Variants in SGCZ observed in about 807,000 individuals in gnomAD.
The protein encoded by SGCZ is zeta-sarcoglycan.
In SGCZ, 40 loss-of-function variants were observed where a neutral mutation model predicts 41.3. The ratio of observed to expected loss-of-function variants is 0.97; its 90% CI spans 0.75 to 1.26. The LOEUF (loss-of-function observed/expected upper bound fraction) is 1.26, where lower values mean the gene tolerates loss of function less well. Ranked by LOEUF, SGCZ falls within the 50% of genes most tolerant of loss-of-function variation. SGCZ has a pLI of 0.00. For synonymous variants in SGCZ, 206 were observed against 137.5 expected (o/e 1.50, Z -3.49); for missense variants, 552 against 369.8 (o/e 1.49, Z -4.04).
intron 4 of SGCZ, among the ~76,000 whole-genome samples, chr8:14,230,889 T>C (rs1806542323): frequency 6.6e-6 from 1 of 152,002 alleles, no homozygotes; most frequent in African/African-American, 2.4e-5. Flanking sequence ...GAGTATCTAC[T>C]GGTTAAAAAG....
At chr8:14,674,496 A>T (rs915468765) in intron 1 of SGCZ, among the ~76,000 whole-genome samples, 13 of 152,196 alleles carry the variant, frequency 8.5e-5, no homozygotes, top group Admixed American at 7.9e-4. Context: ...TAAATATGCA[A>T]AATTGGTTTG....
intron 2 of SGCZ, among the ~76,000 whole-genome samples, chr8:14,372,043 T>C (rs1331142436): frequency 6.6e-6 from 1 of 152,098 alleles, no homozygotes; most frequent in Non-Finnish European, 1.5e-5. Context: ...TAGATCAATA[T>C]GGACTAGAAT....
chr8:14,957,291 TC>T (rs1563390493), intron 1 of SGCZ, among the ~76,000 whole-genome samples: 1 of 152,134 alleles, frequency 6.6e-6, no homozygotes, highest in Non-Finnish European at 1.5e-5. Flanking sequence ...ATTTTCATCT[TC>T]TTTTTAAATT....
chr8:14,796,969 T>C (rs1247243321), intron 1 of SGCZ, among the ~76,000 whole-genome samples: 1 of 152,220 alleles, frequency 6.6e-6, no homozygotes, highest in Non-Finnish European at 1.5e-5. Flanking sequence ...AGTTTCCTGA[T>C]GCCTCCCCAG....
chr8:14,515,924 A>G (rs564635175), intron 2 of SGCZ, among the ~76,000 whole-genome samples: 38 of 152,140 alleles, frequency 2.5e-4, no homozygotes, highest in East Asian at 1.7e-3. Flanking sequence ...TTACTTTTCA[A>G]TTTGCTCCTA....
At chr8:14,952,910 T>G (rs1800684761) in intron 1 of SGCZ, among the ~76,000 whole-genome samples, 1 of 152,120 alleles carries the variant, frequency 6.6e-6, no homozygotes, top group African/African-American at 2.4e-5. Context: ...ACAGAGGCAC[T>G]TGGATTCAGC....
At chr8:14,656,619 T>TC (rs949380942) in intron 1 of SGCZ, among the ~76,000 whole-genome samples, 85 of 149,634 alleles carry the variant, frequency 5.7e-4, no homozygotes, top group Middle Eastern at 3.5e-3. Context: ...CTCCTCTCTC[T>TC]CTCTCTCTCC....
Position 14,990,450 on chromosome 8 carries a change from G to C in SGCZ, c.39+247135C>G, listed in dbSNP as rs554868970. On this transcript the variant is annotated intron_variant, in intron 1 of 7. Coordinates refer to ENST00000382080, the MANE Select transcript of SGCZ (RefSeq NM_139167.4). The stretch of plus-strand genomic sequence containing the variant: ...CCCCATCGCTGGGATTACTGCCTGA[G>C]CTCCACCTCCTGTCCCATCAACCAC... Among the ~76,000 whole-genome samples the C allele has an allele frequency of 7.9e-5, 12 of 152,184 alleles. No homozygotes were observed. In the East Asian group the frequency reaches 1.8e-3, roughly 22 times the overall value.
At chr8:14,486,287 C>T (rs1801672393) in intron 2 of SGCZ, among the ~76,000 whole-genome samples, 1 of 151,974 alleles carries the variant, frequency 6.6e-6, no homozygotes, top group Non-Finnish European at 1.5e-5. Flanking sequence ...ATATAGAGGC[C>T]ATATGTTGAG....
chr8:14,487,496 G>C (rs1422298093), intron 2 of SGCZ, among the ~76,000 whole-genome samples: 2 of 151,918 alleles, frequency 1.3e-5, no homozygotes, highest in African/African-American at 4.8e-5. Context: ...GTGCTATACT[G>C]TTCCTTCCAG....
At chr8:14,972,321 T>A (rs980298310) in intron 1 of SGCZ, among the ~76,000 whole-genome samples, 1 of 152,188 alleles carries the variant, frequency 6.6e-6, no homozygotes, top group African/African-American at 2.4e-5. Context: ...TTCATTTTTC[T>A]GATAAATTTG....
At chr8:14,503,050 G>A (rs144688416) in intron 2 of SGCZ, among the ~76,000 whole-genome samples, 2,886 of 152,228 alleles carry the variant, frequency 0.019, 99 homozygotes, top group African/African-American at 0.065. Context: ...TCACCCAAAT[G>A]CCCATCAATG....
intron 1 of SGCZ, among the ~76,000 whole-genome samples, chr8:14,864,670 A>G (rs1803864151): frequency 6.6e-6 from 1 of 152,196 alleles, no homozygotes; most frequent in African/African-American, 2.4e-5. Flanking sequence ...TAATCTAATT[A>G]AGATGAAGAC....
At chr8:14,846,177 C>A (rs1803094086) in intron 1 of SGCZ, among the ~76,000 whole-genome samples, 1 of 151,948 alleles carries the variant, frequency 6.6e-6, no homozygotes, top group Non-Finnish European at 1.5e-5. Flanking sequence ...TACTATCAAC[C>A]AACTTGCCTA....
In SGCZ at chr8:14,671,851, G is replaced by A. The variant is rs960391229; in HGVS notation, c.40-116925C>T. On this transcript the variant is annotated intron_variant, in intron 1 of 7. Transcript: ENST00000382080. ...TAGGCATTGGTGTCTTCTCTCTTCC[G>A]TATATCCTAATTCTGGAATATGTCT... 1.6e-4 allele frequency among the ~76,000 whole-genome samples: 24 copies of A among 151,862 alleles called. 1 individual carries two copies. Among genetic ancestry groups the A allele is most frequent in the African/African-American group, 4.1e-4 (17 of 41,320 alleles).
intron 1 of SGCZ, among the ~76,000 whole-genome samples, chr8:14,625,176 C>A (rs1019461530): frequency 6.6e-6 from 1 of 152,132 alleles, no homozygotes; most frequent in Admixed American, 6.6e-5. Flanking sequence ...TGTTCCATAA[C>A]TTAAAGATAA....
intron 1 of SGCZ, among the ~76,000 whole-genome samples, chr8:14,788,819 A>C (rs1800854121): frequency 6.6e-6 from 1 of 152,088 alleles, no homozygotes; most frequent in African/African-American, 2.4e-5. Context: ...CAATATAAAG[A>C]CTTGTTTTAG....
intron 1 of SGCZ, among the ~76,000 whole-genome samples, chr8:14,860,729 AG>A: frequency 6.8e-6 from 1 of 146,368 alleles, no homozygotes; most frequent in Non-Finnish European, 1.5e-5. Flanking sequence ...AAAGAAAGAA[AG>A]AAAGAAAGTA....
At chr8:14,524,190 C>T (rs1331993325) in intron 2 of SGCZ, among the ~76,000 whole-genome samples, 1 of 151,706 alleles carries the variant, frequency 6.6e-6, no homozygotes, top group African/African-American at 2.4e-5. Context: ...TTATTGGCTA[C>T]AAGGCTCTGT....
Sources: allele counts gnomAD v4.1 joint callset (sites outside exome capture counted in the v4.1 genomes callset), GRCh38; gene constraint gnomAD v4.1.1; transcripts MANE v1.5; gene names NCBI Gene and HGNC (gene_info 2026-07-23, HGNC 2026-07-21).